LCLAT1: variants seen among roughly 807,000 people sequenced by gnomAD.
The protein encoded by LCLAT1 is 1-AGP acyltransferase 8.
Under a neutral mutation model 30.7 loss-of-function variants are expected in LCLAT1, and 11 were observed. That is an observed-to-expected ratio of 0.36 (90% CI 0.23 to 0.59). LCLAT1 has a LOEUF of 0.59. LCLAT1 is among the 20% of genes least tolerant of loss of function. The probability of loss-of-function intolerance (pLI) is 0.77; values close to 1 mark genes in which losing one functional copy is unlikely to be tolerated. For synonymous variants in LCLAT1, 155 were observed against 151.3 expected, an observed-to-expected ratio of 1.02 and a Z score of -0.18; for missense variants, 402 against 458.6, an observed-to-expected ratio of 0.88 and a Z score of 1.13.
chr2:30,565,140 G>A (rs1665415547), intron 4 of LCLAT1, among the ~76,000 whole-genome samples: 1 of 152,158 alleles, frequency 6.6e-6, no homozygotes, highest in African/African-American at 2.4e-5. Flanking sequence ...GAACCAGTAG[G>A]ATGTGTATAT....
chr2:30,549,449 A>T (rs190573963), intron 3 of LCLAT1, among the ~76,000 whole-genome samples: 12 of 152,332 alleles, frequency 7.9e-5, no homozygotes, highest in East Asian at 7.7e-4. Flanking sequence ...TATCTAAAAG[A>T]TATGCTTTTA....
chr2:30,599,068 C>T (rs370833834), intron 5 of LCLAT1, among the ~76,000 whole-genome samples: 14 of 151,956 alleles, frequency 9.2e-5, no homozygotes, highest in East Asian at 1.9e-4. Context: ...CTGCAACCTC[C>T]GCCTCCCGGT....
intron 3 of LCLAT1, among the ~76,000 whole-genome samples, chr2:30,549,970 GAA>G (rs750647717): frequency 1.3e-5 from 2 of 152,100 alleles, no homozygotes; most frequent in Non-Finnish European, 2.9e-5. Context: ...CTTCCACAAT[GAA>G]AATAATGTCA....
chr2:30,512,439 C>G (rs1294266676), intron 1 of LCLAT1, among the ~76,000 whole-genome samples: 5 of 152,086 alleles, frequency 3.3e-5, no homozygotes, highest in Non-Finnish European at 7.3e-5. Flanking sequence ...GCACACTTTT[C>G]TCTTATTTCC....
At chr2:30,635,427 T>C (rs949006772) in intron 5 of LCLAT1, among the ~76,000 whole-genome samples, 1 of 152,100 alleles carries the variant, frequency 6.6e-6, no homozygotes, top group Non-Finnish European at 1.5e-5. Context: ...GTGTAAGCTG[T>C]CTTTCTTCTC....
rs763038460 is a variant in LCLAT1 at position 30,525,709 on chromosome 2, G to A, written c.119G>A (p.Arg40His). The A allele has an allele frequency of 8.1e-6, 13 of 1,613,784 alleles. No individual in the cohort carries two copies. Among genetic ancestry groups the A allele is most frequent in the Admixed American group, 3.3e-5 (2 of 59,966 alleles). Reference sequence around the variant, plus strand: ...ATGTTTGTAAACCCATCTTGGTATCGCTGGATCAACAACCGCCTTGTGGCA... The same window carrying A: ...ATGTTTGTAAACCCATCTTGGTATCACTGGATCAACAACCGCCTTGTGGCA... Reference protein sequence around the residue: ...PLMFVNPSWYRWINNRLVATW... With the variant: ...PLMFVNPSWYHWINNRLVATW... The change falls in exon 2 of 6, where the codon CGC (arginine) becomes CAC (histidine). Residue 40 changes from arginine (R) to histidine (H), a missense_variant. Coordinates refer to ENST00000379509, the MANE Select transcript of LCLAT1 (RefSeq NM_001002257.3).
At chr2:30,489,754 G>T (rs1458421087) in intron 1 of LCLAT1, among the ~76,000 whole-genome samples, 1 of 152,188 alleles carries the variant, frequency 6.6e-6, no homozygotes, top group African/African-American at 2.4e-5. Flanking sequence ...TCTGTGTAAG[G>T]CAGGGATCAG....
chr2:30,633,117 C>T (rs952020629), intron 5 of LCLAT1, among the ~76,000 whole-genome samples: 2 of 152,212 alleles, frequency 1.3e-5, no homozygotes, highest in South Asian at 2.1e-4. Flanking sequence ...TAGCTATGTA[C>T]TGTTACATGT....
At chr2:30,538,818 A>G (rs72858904) in intron 3 of LCLAT1, among the ~76,000 whole-genome samples, 113 of 152,256 alleles carry the variant, frequency 7.4e-4, no homozygotes, top group African/African-American at 2.5e-3. Context: ...TAAACTTTCA[A>G]GATTGAAATA....
At chr2:30,465,574 A>G (rs981202123) in intron 1 of LCLAT1, among the ~76,000 whole-genome samples, 3 of 152,186 alleles carry the variant, frequency 2.0e-5, no homozygotes, top group Admixed American at 2.0e-4. Flanking sequence ...TATATTTACT[A>G]TGTTAATTAT....
chr2:30,639,972 C>A, intron 5 of LCLAT1, 145 bp from the exon 6 acceptor site: 1 of 641,570 alleles, frequency 1.6e-6, no homozygotes, highest in Admixed American at 2.6e-5. Context: ...TGTCCAGGAA[C>A]ACCAGTATCT....
At chr2:30,638,313 G>A (rs545370350) in intron 5 of LCLAT1, among the ~76,000 whole-genome samples, 1 of 152,334 alleles carries the variant, frequency 6.6e-6, no homozygotes, top group Admixed American at 6.5e-5. Context: ...TGTAAAGAGT[G>A]AAATGTGCAT....
At chr2:30,610,374 T>TTAGAG (rs145083988) in intron 5 of LCLAT1, among the ~76,000 whole-genome samples, 19,276 of 152,130 alleles carry the variant, frequency 0.13, 1,328 homozygotes, top group South Asian at 0.23. Context: ...CCTATAATAA[T>TTAGAG]TATTCATCTA....
At chr2:30,622,538 C>G (rs1668312621) in intron 5 of LCLAT1, among the ~76,000 whole-genome samples, 1 of 152,134 alleles carries the variant, frequency 6.6e-6, no homozygotes, top group African/African-American at 2.4e-5. Flanking sequence ...AACCAAGGAC[C>G]CTCACAGAGT....
intron 1 of LCLAT1, among the ~76,000 whole-genome samples, chr2:30,480,385 G>T (rs921752610): frequency 4.6e-5 from 7 of 151,918 alleles, no homozygotes; most frequent in Admixed American, 1.3e-4. Context: ...TGTAGAAATG[G>T]GGTTTTGCCA....
chr2:30,625,748 G>T (rs1013223034), intron 5 of LCLAT1, among the ~76,000 whole-genome samples: 1 of 152,136 alleles, frequency 6.6e-6, no homozygotes. Flanking sequence ...ACAAAACCAG[G>T]TCAGTCTGAC....
chr2:30,635,820 G>A (rs796190286), intron 5 of LCLAT1, among the ~76,000 whole-genome samples: 3 of 152,188 alleles, frequency 2.0e-5, no homozygotes, highest in African/African-American at 7.2e-5. Flanking sequence ...ACTCAATCGA[G>A]AGAGCATTAT....
At chr2:30,622,127 G>A (rs1668286965) in intron 5 of LCLAT1, among the ~76,000 whole-genome samples, 1 of 152,120 alleles carries the variant, frequency 6.6e-6, no homozygotes, top group Non-Finnish European at 1.5e-5. Flanking sequence ...TGGGAACTGG[G>A]TGAGGCCTGT....
At chr2:30,469,859 C>T (rs932310718) in intron 1 of LCLAT1, among the ~76,000 whole-genome samples, 1 of 152,074 alleles carries the variant, frequency 6.6e-6, no homozygotes, top group African/African-American at 2.4e-5. Context: ...TCCCAAAGTG[C>T]TGAGATTACA....
Sources: gnomAD v4.1 joint callset for allele counts (sites outside exome capture counted in the v4.1 genomes callset) on GRCh38, gnomAD v4.1.1 for gene constraint, MANE v1.5 for transcripts, NCBI Gene and HGNC (gene_info 2026-07-23, HGNC 2026-07-21) for gene names.